The following CTNNA3 variants were observed in gnomAD, a reference collection of about 807,000 sequenced individuals.
CTNNA3 encodes catenin alpha-3.
Under a neutral mutation model 95.7 loss-of-function variants are expected in CTNNA3, and 76 were observed. The observed-to-expected ratio is 0.79, with a 90% CI of 0.66 to 0.96. The LOEUF is 0.96. CTNNA3 is among the 40% of genes least tolerant of loss of function. The pLI, the probability that CTNNA3 is intolerant of heterozygous loss-of-function variation, is 0.00. For missense variants in CTNNA3, 1,191 were observed against 1,089.8 expected, an observed-to-expected ratio of 1.09 and a Z score of -1.31; for synonymous variants, 431 against 374.4, an observed-to-expected ratio of 1.15 and a Z score of -1.74.
intron 7 of CTNNA3, among the ~76,000 whole-genome samples, chr10:67,038,615 T>C (rs1854209103): frequency 6.6e-6 from 1 of 152,132 alleles, no homozygotes; most frequent in South Asian, 2.1e-4. Flanking sequence ...GCAGCTAGTA[T>C]ATTTTTGTTA....
chr10:66,599,337 G>A (rs1843836165), intron 10 of CTNNA3, among the ~76,000 whole-genome samples: 1 of 151,972 alleles, frequency 6.6e-6, no homozygotes, highest in Non-Finnish European at 1.5e-5. Context: ...ACAAAGCTTG[G>A]TTCATAGGCA....
rs114721109 is a variant in CTNNA3 at position 66,268,896 on chromosome 10, A to T, written c.1884+11574T>A. On this transcript the variant is annotated intron_variant, in intron 13 of 17. Transcript: ENST00000433211. ...GATGGCAAAATCACAAGATTGAAAG[A>T]TACTGAATCATTGAGTCACTACCTT... 8.0e-3 allele frequency among the ~76,000 whole-genome samples: 1,216 copies of T among 152,328 alleles called. 12 individuals carry two copies. The highest frequency in any genetic ancestry group is 0.028 in the African/African-American group (1,155 of 41,596).
Position 67,389,173 on chromosome 10 carries a change from G to A in CTNNA3, c.579+132669C>T, listed in dbSNP as rs1458153011. On this transcript the variant is annotated intron_variant, in intron 5 of 17. Coordinates refer to ENST00000433211, the MANE Select transcript of CTNNA3 (RefSeq NM_013266.4). ...GCTGTATTCAGGAAACCCATCTCACGTGCAGAGACACACATAGGCTCAAAA... is the reference window on the plus strand; with the variant it reads ...GCTGTATTCAGGAAACCCATCTCACATGCAGAGACACACATAGGCTCAAAA... Among the ~76,000 whole-genome samples the A allele has an allele frequency of 5.5e-4, 83 of 151,596 alleles. No homozygotes were observed. In the Middle Eastern group the frequency reaches 0.014, roughly 25 times the overall value.
At chr10:67,148,204 A>G (rs1335696075) in intron 7 of CTNNA3, among the ~76,000 whole-genome samples, 2 of 152,224 alleles carry the variant, frequency 1.3e-5, no homozygotes, top group African/African-American at 4.8e-5. Flanking sequence ...ACCCAAAAAT[A>G]CATTGTTCCC....
chr10:67,641,231 A>C (rs1839521272), intron 2 of CTNNA3, among the ~76,000 whole-genome samples: 1 of 152,214 alleles, frequency 6.6e-6, no homozygotes, highest in Non-Finnish European at 1.5e-5. Context: ...GAAGACATTT[A>C]TGCAGCCAAA....
At chr10:66,616,667 C>T (rs960874904) in intron 10 of CTNNA3, among the ~76,000 whole-genome samples, 2 of 152,084 alleles carry the variant, frequency 1.3e-5, no homozygotes, top group African/African-American at 2.4e-5. Context: ...ACCAGAACAA[C>T]TCAATTCACT....
rs1170594360 is a variant in CTNNA3 at position 66,978,526 on chromosome 10, C to CAA, written c.1047+201789_1047+201790dup. Among the ~76,000 whole-genome samples, 142 of 42,292 alleles carry CAA rather than the reference C, an allele frequency of 3.4e-3. 14 individuals carry two copies. The highest frequency in any genetic ancestry group is 6.2e-3 in the African/African-American group (60 of 9,742). The allele number at this position is 42,292 out of a possible 152,430, so 27.7% of individuals were successfully genotyped here. A position where few individuals can be genotyped will look rare whatever the true frequency, so the allele number is the denominator to read the frequency against. On this transcript the variant is annotated intron_variant, in intron 7 of 17. Transcript: ENST00000433211. ...TGGATGATAGAGTGAGACTCCATCT[C>CAA]AAAAAAAAAAAAAAAAAAAAAAAAA...
At chr10:66,105,109 C>T (rs1172677270) in intron 13 of CTNNA3, among the ~76,000 whole-genome samples, 1 of 152,172 alleles carries the variant, frequency 6.6e-6, no homozygotes, top group East Asian at 1.9e-4. Flanking sequence ...TAACATCCCC[C>T]CTCTCGCCAA....
intron 15 of CTNNA3, among the ~76,000 whole-genome samples, chr10:65,997,969 C>T (rs2078697302): frequency 6.6e-6 from 1 of 152,132 alleles, no homozygotes; most frequent in East Asian, 1.9e-4. Flanking sequence ...GAGCCAAGAT[C>T]ATGCCATTGC....
intron 6 of CTNNA3, among the ~76,000 whole-genome samples, chr10:67,191,746 C>T (rs1270467247): frequency 6.6e-6 from 1 of 151,716 alleles, no homozygotes; most frequent in Admixed American, 6.6e-5. Context: ...ATAGAAAAAA[C>T]AATCCTAACA....
chr10:67,395,039 ATCTTAAATAAT>A (rs1844664935), intron 5 of CTNNA3, among the ~76,000 whole-genome samples: 1 of 152,308 alleles, frequency 6.6e-6, no homozygotes, highest in African/African-American at 2.4e-5. Context: ...CACCAAATTT[ATCTTAAATAAT>A]TCTTAAGTAC....
intron 7 of CTNNA3, among the ~76,000 whole-genome samples, chr10:67,086,968 A>C (rs1471896670): frequency 6.6e-6 from 1 of 152,080 alleles, no homozygotes; most frequent in Non-Finnish European, 1.5e-5. Context: ...AAGGAAAAGA[A>C]GAATGAGATG....
intron 11 of CTNNA3, among the ~76,000 whole-genome samples, chr10:66,392,704 A>C (rs956219363): frequency 2.6e-5 from 4 of 152,132 alleles, no homozygotes; most frequent in African/African-American, 4.8e-5. Context: ...TATTAGAATG[A>C]CTAAAATTTA....
At chr10:67,331,603 A>C (rs969326216) in intron 5 of CTNNA3, among the ~76,000 whole-genome samples, 6 of 152,172 alleles carry the variant, frequency 3.9e-5, no homozygotes, top group Admixed American at 1.3e-4. Context: ...CAGCTATTCA[A>C]GTGATGTGGC....
chr10:66,515,193 A>G (rs149966560), intron 11 of CTNNA3, among the ~76,000 whole-genome samples: 103 of 152,160 alleles, frequency 6.8e-4, no homozygotes, highest in African/African-American at 2.4e-3. Context: ...GAGAGCTGAT[A>G]TTCTGAGAAT....
At chr10:67,513,322 G>A (rs1839700786) in intron 5 of CTNNA3, among the ~76,000 whole-genome samples, 1 of 152,132 alleles carries the variant, frequency 6.6e-6, no homozygotes, top group Non-Finnish European at 1.5e-5. Context: ...AGAAAGAAGT[G>A]GACTTCACTG....
intron 5 of CTNNA3, among the ~76,000 whole-genome samples, chr10:67,223,774 T>A (rs1864764238): frequency 6.6e-6 from 1 of 152,186 alleles, no homozygotes; most frequent in African/African-American, 2.4e-5. Flanking sequence ...CGACTTTGCA[T>A]CAAGGCAGTG....
chr10:66,288,045 T>C (rs1250742258), intron 12 of CTNNA3, among the ~76,000 whole-genome samples: 2 of 152,086 alleles, frequency 1.3e-5, no homozygotes, highest in African/African-American at 4.8e-5. Flanking sequence ...ATGAACCCCA[T>C]GGGACTGGAC....
At chr10:67,116,721 A>AATATAT (rs34041126) in intron 7 of CTNNA3, among the ~76,000 whole-genome samples, 9 of 143,520 alleles carry the variant, frequency 6.3e-5, no homozygotes, top group East Asian at 6.0e-4. Context: ...CAGTTTTGAA[A>AATATAT]ATATATATAT....
Sources: allele counts gnomAD v4.1 joint callset (sites outside exome capture counted in the v4.1 genomes callset), GRCh38; gene constraint gnomAD v4.1.1; transcripts MANE v1.5; gene names NCBI Gene and HGNC (gene_info 2026-07-23, HGNC 2026-07-21).